The following ZNF75D variants were observed in gnomAD, a reference collection of about 807,000 sequenced individuals.
ZNF75D encodes the protein zinc finger protein 75.
ZNF75D carries 33 observed loss-of-function variants against 33.3 expected under a neutral mutation model. The observed-to-expected ratio is 0.99, with a 90% CI of 0.75 to 1.32. The LOEUF (loss-of-function observed/expected upper bound fraction) is 1.32, where lower values mean the gene tolerates loss of function less well. Ranked by LOEUF, ZNF75D falls within the 40% of genes most tolerant of loss-of-function variation. The probability of loss-of-function intolerance (pLI) is 0.00; values close to 1 mark genes in which losing one functional copy is unlikely to be tolerated. For synonymous variants in ZNF75D, 113 were observed against 130.6 expected, an observed-to-expected ratio of 0.87 and a Z score of 0.92; for missense variants, 338 against 367.5, an observed-to-expected ratio of 0.92 and a Z score of 0.66.
At chrX:135,283,735 C>G (rs1556418913), downstream of ZNF75D, among the ~76,000 whole-genome samples, 1 of 111,443 alleles carries the variant, frequency 9.0e-6, no homozygotes, top group Admixed American at 9.5e-5. Context: ...GCAGACAGAA[C>G]AAGGCAATAA....
chrX:135,302,973 GAGA>G (rs2084238516), intron 1 of ZNF75D, among the ~76,000 whole-genome samples: 1 of 110,663 alleles, frequency 9.0e-6, no homozygotes, highest in Non-Finnish European at 1.9e-5. Flanking sequence ...TAATAGTGGA[GAGA>G]AGGTCAGCAG....
chrX:135,291,176 C>T (rs1556421155), intron 5 of ZNF75D, 41 bp from the exon 6 acceptor site: 1 of 1,200,712 alleles, frequency 8.3e-7, no homozygotes, highest in Admixed American at 2.2e-5. Context: ...CTTGCCACTT[C>T]AGAAGCTGTC....
At chrX:135,268,736 GA>G (rs1217447495) in intron 1 of ZNF75D, among the ~76,000 whole-genome samples, 14 of 106,065 alleles carry the variant, frequency 1.3e-4, no homozygotes, top group Non-Finnish European at 2.2e-4. Flanking sequence ...CACAAAAATA[GA>G]AAAAAAAAAT....
chrX:135,285,367 G>T (rs2083937766), downstream of ZNF75D, among the ~76,000 whole-genome samples: 1 of 111,799 alleles, frequency 8.9e-6, no homozygotes. Context: ...TAGCTGAATT[G>T]GGACATCAGT....
Position 135,342,554 on chromosome X carries a change from C to T in ZNF75D, c.-1177G>A, listed in dbSNP as rs1431315906. 8.9e-6 allele frequency: 1 copy of T among 111,836 alleles called. No homozygotes were observed. Among genetic ancestry groups the T allele is most frequent in the Non-Finnish European group, 1.9e-5 (1 of 53,475 alleles). The allele number at this position is 111,836 out of a possible 1,213,427, so 9.2% of individuals were successfully genotyped here. On this transcript the variant is annotated 5_prime_UTR_variant, in exon 1 of 7. Coordinates refer to ENST00000370766, the MANE Select transcript of ZNF75D (RefSeq NM_007131.5). ...AGCCCATTTCAGTACACACATGTCC[C>T]CCATAGGTCTTCGGTTCCTCCCCCA...
At chrX:135,267,895 T>C (rs949302659) in intron 1 of ZNF75D, among the ~76,000 whole-genome samples, 2 of 107,939 alleles carry the variant, frequency 1.9e-5, no homozygotes, top group African/African-American at 6.7e-5. Context: ...AATTCAACAA[T>C]ACATTAAAAA....
chrX:135,327,090 C>A (rs782710296), intron 1 of ZNF75D, among the ~76,000 whole-genome samples: 1 of 112,543 alleles, frequency 8.9e-6, no homozygotes, highest in Admixed American at 9.3e-5. Context: ...TGCCCAAAAT[C>A]CCACAGAGCT....
intron 1 of ZNF75D, among the ~76,000 whole-genome samples, chrX:135,335,102 C>T (rs2084694372): frequency 9.0e-6 from 1 of 111,214 alleles, no homozygotes; most frequent in Admixed American, 9.6e-5. Flanking sequence ...TTTTTACTTC[C>T]CAGTCTGAGA....
chrX:135,326,353 C>T (rs1556437730), intron 1 of ZNF75D, among the ~76,000 whole-genome samples: 1 of 112,129 alleles, frequency 8.9e-6, no homozygotes, highest in Non-Finnish European at 1.9e-5. Context: ...CACTCTGTAT[C>T]TAGCTACTCT....
intron 1 of ZNF75D, among the ~76,000 whole-genome samples, chrX:135,335,151 A>C (rs1399381112): frequency 1.8e-5 from 2 of 111,710 alleles, no homozygotes; most frequent in African/African-American, 6.5e-5. Flanking sequence ...TGGGGATTAA[A>C]GAACAGGAGG....
chrX:135,308,584 C>G (rs1392331940), intron 1 of ZNF75D, among the ~76,000 whole-genome samples: 1 of 112,012 alleles, frequency 8.9e-6, no homozygotes, highest in Admixed American at 9.4e-5. Context: ...ATCACTTGGG[C>G]AAGTCCTTTA....
At chrX:135,340,165 CT>C (rs2084766885) in intron 1 of ZNF75D, among the ~76,000 whole-genome samples, 1 of 112,214 alleles carries the variant, frequency 8.9e-6, no homozygotes, top group Admixed American at 9.4e-5. Context: ...CTTTCCCAAG[CT>C]TTTTTCTATG....
At chrX:135,268,484 T>C (rs1387831612) in intron 1 of ZNF75D, among the ~76,000 whole-genome samples, 1 of 109,870 alleles carries the variant, frequency 9.1e-6, no homozygotes, top group Non-Finnish European at 1.9e-5. Flanking sequence ...AAGAAGTCAA[T>C]AATTAGTCCC....
rs1168664875 is a variant in ZNF75D, at chrX:135,325,806, G to T, written c.-391+15962C>A. Reference sequence around the variant, plus strand: ...GCCACCCCCTGCTCCACGGCGCCCAGTCCCATCGACCACCCAAGGGCTGAG... The same window carrying T: ...GCCACCCCCTGCTCCACGGCGCCCATTCCCATCGACCACCCAAGGGCTGAG... On this transcript the variant is annotated intron_variant, in intron 1 of 6. Transcript: ENST00000370766. Among the ~76,000 whole-genome samples the T allele has an allele frequency of 2.7e-5, 3 of 112,692 alleles. No homozygotes were observed. In the Admixed American group the frequency reaches 2.8e-4, roughly 10 times the overall value.
intron 1 of ZNF75D, among the ~76,000 whole-genome samples, chrX:135,261,625 T>C (rs2083842625): frequency 9.0e-6 from 1 of 111,307 alleles, no homozygotes; most frequent in Non-Finnish European, 1.9e-5. Flanking sequence ...CAACCCCTGC[T>C]TTTTTTTGTT....
In ZNF75D at chrX:135,334,603, T is replaced by C. The variant is rs1375874602; in HGVS notation, c.-391+7165A>G. ...TGAAACCAGGAAGGGGTGGACCCCC[T>C]CTCCCTCCATCTTTTCTATGGGCTG... is the stretch of plus-strand genomic sequence containing the variant. On this transcript the variant is annotated intron_variant, in intron 1 of 6. Coordinates refer to ENST00000370766, the MANE Select transcript of ZNF75D (RefSeq NM_007131.5). Among the ~76,000 whole-genome samples, 4 of 110,829 alleles carry C rather than the reference T, an allele frequency of 3.6e-5. No individual in the cohort carries two copies. In the Admixed American group the frequency reaches 3.8e-4, roughly 11 times the overall value.
At chrX:135,291,422 G>A (rs1569489327) in intron 5 of ZNF75D, 50 bp downstream of exon 5, 4 of 1,192,499 alleles carry the variant, frequency 3.4e-6, no homozygotes, top group Non-Finnish European at 3.4e-6. Context: ...GACAAGCAGA[G>A]GCAAGGCCAC....
intron 1 of ZNF75D, among the ~76,000 whole-genome samples, chrX:135,325,519 G>T (rs1325173420): frequency 1.8e-5 from 2 of 111,905 alleles, no homozygotes; most frequent in African/African-American, 3.2e-5. Flanking sequence ...CTCCGGGTGG[G>T]CATGGGCTTG....
intron 1 of ZNF75D, among the ~76,000 whole-genome samples, chrX:135,297,993 T>C (rs943790211): frequency 2.0e-4 from 22 of 111,238 alleles, no homozygotes; most frequent in African/African-American, 7.2e-4. Context: ...ATGTCTTTTT[T>C]TCTTTTTTTC....
Sources: allele counts gnomAD v4.1 joint callset (sites outside exome capture counted in the v4.1 genomes callset), GRCh38; gene constraint gnomAD v4.1.1; transcripts MANE v1.5; gene names NCBI Gene and HGNC (gene_info 2026-07-23, HGNC 2026-07-21).